Variants in PPM1D observed in about 807,000 individuals in gnomAD.
The protein encoded by PPM1D is protein phosphatase 1D.
A neutral mutation model predicts 58.3 loss-of-function variants in PPM1D; 52 were observed. The observed-to-expected ratio is 0.89, with a 90% CI of 0.71 to 1.12. The LOEUF (loss-of-function observed/expected upper bound fraction) is 1.12, where lower values mean the gene tolerates loss of function less well. PPM1D is among the 50% of genes most tolerant of loss of function. The probability of loss-of-function intolerance (pLI) is 0.00; values close to 1 mark genes in which losing one functional copy is unlikely to be tolerated. For synonymous variants in PPM1D, 278 were observed against 285.1 expected (o/e 0.98, Z 0.25); for missense variants, 564 against 777.2 (o/e 0.73, Z 3.26).
chr17:60,641,771 A>C (rs1462922393), intron 3 of PPM1D, among the ~76,000 whole-genome samples: 1 of 152,306 alleles, frequency 6.6e-6, no homozygotes, highest in East Asian at 1.9e-4. Context: ...AATGGATTAG[A>C]GGGGGTAAAC....
At chr17:60,649,386 T>C (rs1056287454) in intron 4 of PPM1D, among the ~76,000 whole-genome samples, 1 of 152,168 alleles carries the variant, frequency 6.6e-6, no homozygotes, top group African/African-American at 2.4e-5. Flanking sequence ...GATTGAATTT[T>C]TGTTAAATTG....
intron 5 of PPM1D, among the ~76,000 whole-genome samples, chr17:60,660,526 C>T (rs368171180): frequency 7.3e-5 from 11 of 151,534 alleles, no homozygotes; most frequent in South Asian, 2.1e-4. Flanking sequence ...GTTTCTGGGC[C>T]GGGTGTGGTG....
intron 2 of PPM1D, among the ~76,000 whole-genome samples, chr17:60,631,436 C>G (rs1021303876): frequency 1.3e-5 from 2 of 151,582 alleles, no homozygotes; most frequent in South Asian, 2.1e-4. Flanking sequence ...GCCAGGAGTT[C>G]GAGACCAGCC....
chr17:60,613,095 G>A (rs2030494230), intron 1 of PPM1D, among the ~76,000 whole-genome samples: 1 of 152,086 alleles, frequency 6.6e-6, no homozygotes, highest in Non-Finnish European at 1.5e-5. Flanking sequence ...CCAGCTAGTT[G>A]ATATTCCATT....
intron 5 of PPM1D, 70 bp from the exon 6 acceptor site, chr17:60,662,925 A>T: frequency 7.1e-7 from 1 of 1,413,162 alleles, no homozygotes. Flanking sequence ...GAAGCCTAAT[A>T]TCACATGCAT....
At chr17:60,653,857 T>C (rs534932691) in intron 4 of PPM1D, among the ~76,000 whole-genome samples, 9 of 152,378 alleles carry the variant, frequency 5.9e-5, no homozygotes, top group Admixed American at 5.2e-4. Context: ...ATGTAAATGC[T>C]GCTGATTTTT....
chr17:60,613,515 G>A (rs1459133950), intron 1 of PPM1D, among the ~76,000 whole-genome samples: 4 of 152,228 alleles, frequency 2.6e-5, no homozygotes, highest in African/African-American at 4.8e-5. Context: ...CTCTGGCTGC[G>A]CTTGAGGAGC....
chr17:60,600,501 G>T lies in PPM1D; in HGVS notation c.87G>T (p.Val29=). The T allele has an allele frequency of 1.3e-6, 2 of 1,571,380 alleles. No homozygotes were observed. The highest frequency in any genetic ancestry group is 2.3e-5 in the East Asian group (1 of 42,904). The change falls in exon 1 of 6, where the codon GTG becomes GTT. Residue 29 remains valine, a synonymous_variant. Coordinates refer to ENST00000305921, the MANE Select transcript of PPM1D (RefSeq NM_003620.4). ...KYMEDVTQIV[V]EPEPTAEEKP... is the part of the protein sequence containing the mutation. ...TGGAGGACGTTACTCAAATCGTTGT[G>T]GAGCCCGAACCGACGGCTGAAGAAA...
At chr17:60,632,892 A>C (rs921429368) in intron 2 of PPM1D, among the ~76,000 whole-genome samples, 1 of 152,066 alleles carries the variant, frequency 6.6e-6, no homozygotes, top group Non-Finnish European at 1.5e-5. Context: ...GCTTGAACCC[A>C]GGAGGCGGAA....
intron 1 of PPM1D, among the ~76,000 whole-genome samples, chr17:60,610,077 G>A (rs748152241): frequency 1.4e-4 from 21 of 151,890 alleles, no homozygotes; most frequent in Non-Finnish European, 2.2e-4. Context: ...CTACTCAGGC[G>A]GCTGAGGCAG....
chr17:60,661,219 CAA>C (rs373913706), intron 5 of PPM1D, among the ~76,000 whole-genome samples: 14 of 48,956 alleles, frequency 2.9e-4, no homozygotes, highest in African/African-American at 2.9e-4. Flanking sequence ...AACTCCATCT[CAA>C]AAAAAAAAAA....
intron 3 of PPM1D, among the ~76,000 whole-genome samples, chr17:60,635,973 A>G (rs1167522964): frequency 6.6e-6 from 1 of 152,172 alleles, no homozygotes; most frequent in Non-Finnish European, 1.5e-5. Context: ...GCTGCAATCA[A>G]GATGTCATTA....
At chr17:60,661,617 A>G (rs1397013248) in intron 5 of PPM1D, among the ~76,000 whole-genome samples, 1 of 152,154 alleles carries the variant, frequency 6.6e-6, no homozygotes, top group Non-Finnish European at 1.5e-5. Context: ...TAAAAACAAT[A>G]AAGTGCCTTG....
intron 1 of PPM1D, among the ~76,000 whole-genome samples, chr17:60,608,385 G>A (rs1449634213): frequency 1.3e-5 from 2 of 152,120 alleles, no homozygotes; most frequent in African/African-American, 4.8e-5. Flanking sequence ...TACCAGGCCG[G>A]GCATGGTGGC....
rs188846244 is a variant in PPM1D, at chr17:60,632,289, T to G, written c.702-1564T>G. 3.6e-3 allele frequency among the ~76,000 whole-genome samples: 543 copies of G among 152,312 alleles called. 3 individuals are homozygous for G. The highest frequency in any genetic ancestry group is 0.012 in the African/African-American group (514 of 41,578). On this transcript the variant is annotated intron_variant, in intron 2 of 5. Transcript: ENST00000305921. The stretch of plus-strand genomic sequence containing the variant: ...AGGAGGGTTTTCTTACTCTTGTAAC[T>G]CCCAAATCTATATGTCTACAGCTGA...
intron 3 of PPM1D, among the ~76,000 whole-genome samples, chr17:60,639,543 T>C (rs557867251): frequency 1.9e-4 from 29 of 152,264 alleles, no homozygotes; most frequent in African/African-American, 6.7e-4. Context: ...GTTCAAGCGA[T>C]TCTTCTGCCT....
rs1184101168 is a variant in PPM1D at position 60,645,532 on chromosome 17, A to ATGTGTATATATATGTATATATATGTG, written c.827-2336_827-2311dup. Among the ~76,000 whole-genome samples the ATGTGTATATATATGTATATATATGTG allele has an allele frequency of 6.7e-5, 8 of 119,388 alleles. No homozygotes were observed. In the East Asian group the frequency reaches 8.0e-4, roughly 12 times the overall value. 78.3% of individuals were successfully genotyped at this position (119,388 alleles called of 152,430 possible). ...TATGTGTATATATATGTATATATAT[A>ATGTGTATATATATGTATATATATGTG]TGTGTATATATATGTATATATATGT... On this transcript the variant is annotated intron_variant, in intron 3 of 5. Coordinates refer to ENST00000305921, the MANE Select transcript of PPM1D (RefSeq NM_003620.4).
At chr17:60,617,048 A>G (rs956826731) in intron 1 of PPM1D, among the ~76,000 whole-genome samples, 2 of 152,144 alleles carry the variant, frequency 1.3e-5, no homozygotes, top group African/African-American at 4.8e-5. Context: ...CCTGAGCTCA[A>G]GTGATCCTCC....
intron 3 of PPM1D, among the ~76,000 whole-genome samples, chr17:60,637,956 T>C (rs2031057832): frequency 6.6e-6 from 1 of 152,100 alleles, no homozygotes; most frequent in South Asian, 2.1e-4. Flanking sequence ...GGAGGGAGGA[T>C]TGAAAAATGA....
Sources: gnomAD v4.1 joint callset for allele counts (sites outside exome capture counted in the v4.1 genomes callset) on GRCh38, gnomAD v4.1.1 for gene constraint, MANE v1.5 for transcripts, NCBI Gene and HGNC (gene_info 2026-07-23, HGNC 2026-07-21) for gene names.